Variants in HDAC4 observed in about 807,000 individuals in gnomAD.
HDAC4 encodes the protein histone deacetylase 4, also known as histone deacetylase A.
In HDAC4, 16 loss-of-function variants were observed where a neutral mutation model predicts 135.1. That is an observed-to-expected ratio of 0.12 (90% CI 0.08 to 0.18). The LOEUF (loss-of-function observed/expected upper bound fraction) is 0.18. Among genes scored for constraint, HDAC4 ranks in the 10% least tolerant of loss-of-function variants. The pLI, the probability that HDAC4 is intolerant of heterozygous loss-of-function variation, is 1.00. For synonymous variants in HDAC4, 685 were observed against 653.4 expected (o/e 1.05, Z -0.74); for missense variants, 1,143 against 1,511.8 (o/e 0.76, Z 4.05).
At chr2:239,060,238 T>TC (rs1305647499) in intron 24 of HDAC4, among the ~76,000 whole-genome samples, 1 of 152,158 alleles carries the variant, frequency 6.6e-6, no homozygotes, top group Non-Finnish European at 1.5e-5. Flanking sequence ...GCTTCTGCCG[T>TC]CCCCTGCTGC....
At chr2:239,394,029 T>C (rs1306541240) in intron 1 of HDAC4, among the ~76,000 whole-genome samples, 2 of 129,936 alleles carry the variant, frequency 1.5e-5, no homozygotes, top group Admixed American at 1.6e-4. Flanking sequence ...GAAACTTCTC[T>C]TCCTCAGTTT....
intron 1 of HDAC4, among the ~76,000 whole-genome samples, chr2:239,385,453 G>A (rs1260289730): frequency 6.6e-6 from 1 of 152,198 alleles, no homozygotes; most frequent in Non-Finnish European, 1.5e-5. Flanking sequence ...GCCTCCACCC[G>A]GCTCCCTGTT....
intron 19 of HDAC4, among the ~76,000 whole-genome samples, chr2:239,085,221 T>C (rs1369465113): frequency 1.3e-5 from 2 of 152,128 alleles, no homozygotes; most frequent in East Asian, 3.9e-4. Context: ...TCTCAGTTGC[T>C]TCCTGCTGAC....
chr2:239,095,991 C>T (rs756875009), intron 16 of HDAC4, among the ~76,000 whole-genome samples: 20 of 152,140 alleles, frequency 1.3e-4, no homozygotes, highest in Non-Finnish European at 2.2e-4. Flanking sequence ...TGGGACCCCA[C>T]TTTCTGGCCT....
At chr2:239,204,479 G>A (rs1409336587) in intron 3 of HDAC4, among the ~76,000 whole-genome samples, 2 of 152,196 alleles carry the variant, frequency 1.3e-5, no homozygotes, top group South Asian at 2.1e-4. Flanking sequence ...GGCAGGCTGC[G>A]ATGGGCCCAG....
intron 1 of HDAC4, among the ~76,000 whole-genome samples, chr2:239,374,012 T>C (rs1226485377): frequency 6.6e-6 from 1 of 152,164 alleles, no homozygotes; most frequent in African/African-American, 2.4e-5. Flanking sequence ...AGAAAAAGAA[T>C]GACCAAGGTA....
intron 6 of HDAC4, among the ~76,000 whole-genome samples, chr2:239,160,796 TG>T (rs1210932785): frequency 2.0e-5 from 3 of 152,286 alleles, no homozygotes; most frequent in African/African-American, 4.8e-5. Context: ...CTCGTCGTGT[TG>T]CTTGCTTTCA....
intron 17 of HDAC4, among the ~76,000 whole-genome samples, chr2:239,090,491 T>G (rs547659182): frequency 1.1e-4 from 16 of 150,620 alleles, no homozygotes; most frequent in Non-Finnish European, 1.9e-4. Flanking sequence ...AGCTTGAGTA[T>G]CTCTGATCTG....
intron 17 of HDAC4, chr2:239,093,958 CTCTT>C (rs1478509241): frequency 4.1e-6 from 4 of 985,238 alleles, no homozygotes; most frequent in South Asian, 4.7e-5. Flanking sequence ...GCCGTTTATT[CTCTT>C]TCTGACGGGA....
Position 239,352,688 on chromosome 2 carries a change from T to A in HDAC4, c.12A>T (p.Gln4His). The change falls in exon 2 of 27, where the codon CAA becomes CAT. Residue 4 changes from glutamine (Q) to histidine (H), a missense_variant. Transcript: ENST00000543185. This position sits in a 1 kb window ranked among gnomAD's most constrained non-coding sequence, Gnocchi z 4.4. Reference protein sequence around the residue: MSSQSHPDGLSGRD... With the variant: MSSHSHPDGLSGRD... ...ATGACCCGGCCTTACCTGGATGGCT[T>A]TGGGAGCTCATTGCTAGCAATGTCC... 1 of 1,557,254 alleles carries A rather than the reference T, an allele frequency of 6.4e-7. No homozygotes were observed. The highest frequency in any genetic ancestry group is 8.7e-7 in the Non-Finnish European group (1 of 1,149,378).
intron 13 of HDAC4, 152 bp from the exon 14 acceptor site, chr2:239,111,864 C>A (rs1016999228): frequency 9.6e-6 from 7 of 729,722 alleles, no homozygotes; most frequent in South Asian, 6.9e-5. Flanking sequence ...CGTGGAGAGG[C>A]CTTCCCTGTG....
At chr2:239,145,574 T>C (rs2041703932) in intron 7 of HDAC4, among the ~76,000 whole-genome samples, 1 of 152,246 alleles carries the variant, frequency 6.6e-6, no homozygotes, top group Non-Finnish European at 1.5e-5. Flanking sequence ...CGGGAGAGGT[T>C]ATCGGCTTTC....
Position 239,155,774 on chromosome 2 carries a change from C to T in HDAC4, c.733+878G>A, listed in dbSNP as rs191744768. ...CCCCTAGGCTCTCATCTCCAAGAGC[C>T]GCCCCCTAGGGAGGACGCCTTGGGA... On this transcript the variant is annotated intron_variant, in intron 7 of 26. Coordinates refer to ENST00000543185, the MANE Select transcript of HDAC4 (RefSeq NM_001378414.1). Among the ~76,000 whole-genome samples, 209 of 152,280 alleles carry T rather than the reference C, an allele frequency of 1.4e-3. 1 individual carries two copies. Among genetic ancestry groups the T allele is most frequent in the Non-Finnish European group, 2.4e-3 (160 of 67,974 alleles).
chr2:239,186,333 CAAG>C (rs558065821), intron 4 of HDAC4, among the ~76,000 whole-genome samples: 16 of 152,306 alleles, frequency 1.1e-4, no homozygotes, highest in South Asian at 2.1e-4. Flanking sequence ...ATTTTGTGTT[CAAG>C]AAATCTGTCT....
chr2:239,210,390 G>A (rs1022509855), intron 3 of HDAC4, among the ~76,000 whole-genome samples: 2 of 152,296 alleles, frequency 1.3e-5, no homozygotes, highest in East Asian at 1.9e-4. Flanking sequence ...TTAAAAGCTC[G>A]GAAAAGCAAA....
Position 239,066,794 on chromosome 2 carries a change from G to C in HDAC4, c.2931C>G (p.Leu977=), listed in dbSNP as rs200479723. Residue 977 remains leucine (L), a synonymous_variant, in exon 24 of 27, where the codon CTC becomes CTG. Coordinates refer to ENST00000543185, the MANE Select transcript of HDAC4 (RefSeq NM_001378414.1). ...GLAGGRIVLA[L]EGGHDLTAIC... is the part of the protein sequence containing the mutation. The stretch of plus-strand genomic sequence containing the variant: ...TGGCGGTCAGGTCGTGGCCTCCCTC[G>C]AGGGCCAGGACAATCCGGCCGCCAG... 1.9e-6 allele frequency: 3 copies of C among 1,613,482 alleles called. No individual in the cohort carries two copies. Among genetic ancestry groups the C allele is most frequent in the East Asian group, 4.5e-5 (2 of 44,882 alleles).
intron 2 of HDAC4, among the ~76,000 whole-genome samples, chr2:239,292,318 A>G (rs1467297): frequency 0.99 from 150,982 of 152,362 alleles, 74,807 homozygotes; most frequent in East Asian, 1. Flanking sequence ...AGATGCCCTC[A>G]CTCACTGCTC....
chr2:239,292,991 A>C (rs988640976), intron 2 of HDAC4, among the ~76,000 whole-genome samples: 1 of 152,330 alleles, frequency 6.6e-6, no homozygotes, highest in East Asian at 1.9e-4. Context: ...TTACTTAAAA[A>C]AATAACAGCT....
intron 7 of HDAC4, among the ~76,000 whole-genome samples, chr2:239,151,229 T>C (rs2042098522): frequency 6.6e-6 from 1 of 152,230 alleles, no homozygotes; most frequent in African/African-American, 2.4e-5. Flanking sequence ...CATGAGCCTA[T>C]TGATGAGCTG....
Sources: gnomAD v4.1 joint callset for allele counts (sites outside exome capture counted in the v4.1 genomes callset) on GRCh38, gnomAD v4.1.1 for gene constraint, Gnocchi (gnomAD v3.1) non-coding constraint, MANE v1.5 for transcripts, NCBI Gene and HGNC (gene_info 2026-07-23, HGNC 2026-07-21) for gene names.